The following ARHGAP27 variants were observed in gnomAD, a reference collection of about 807,000 sequenced individuals.
The protein encoded by ARHGAP27 is rho GTPase-activating protein 27.
In ARHGAP27, 53 loss-of-function variants were observed where a neutral mutation model predicts 102.0. The observed-to-expected ratio is 0.52, with a 90% CI of 0.42 to 0.65. The LOEUF (loss-of-function observed/expected upper bound fraction) is 0.65. Ranked by LOEUF, ARHGAP27 falls within the 30% of genes least tolerant of loss-of-function variation. The pLI is 0.00. For synonymous variants in ARHGAP27, 525 were observed against 542.8 expected, an observed-to-expected ratio of 0.97 and a Z score of 0.46; for missense variants, 1,117 against 1,256.2, an observed-to-expected ratio of 0.89 and a Z score of 1.68.
intron 13 of ARHGAP27, 43 bp from the exon 14 acceptor site, chr17:45,397,067 T>C (rs754730290): frequency 1.3e-6 from 2 of 1,596,364 alleles, no homozygotes; most frequent in Non-Finnish European, 8.5e-7. Flanking sequence ...TTGAGCCAGC[T>C]GCGGGTCCTT....
In ARHGAP27 at chr17:45,397,991, G is replaced by A; in HGVS notation, c.1800C>T (p.Ile600=). 2 of 1,611,284 alleles carry A rather than the reference G, an allele frequency of 1.2e-6. No individual in the cohort carries two copies. The highest frequency in any genetic ancestry group is 8.5e-7 in the Non-Finnish European group (1 of 1,177,802). Residue 600 remains isoleucine, a synonymous_variant, in exon 13 of 20, where the codon ATC becomes ATT. Coordinates refer to ENST00000685559, the MANE Select transcript of ARHGAP27 (RefSeq NM_001282290.2). ...GAGCAATGGCCTTATGCCAGGTGCT[G>A]ATGATGGCCTCCGAGTCGTGCTGGA... ...YLIQHDSEAI[I]STWHKAIAQG...
intron 5 of ARHGAP27, 70 bp from the exon 6 acceptor site, chr17:45,405,176 A>G: frequency 6.8e-7 from 1 of 1,475,462 alleles, no homozygotes; most frequent in Non-Finnish European, 9.1e-7. Context: ...GCCGTTTTGG[A>G]CCAGGCCCAC....
chr17:45,399,591 CAAAGA>C (rs60195760), intron 12 of ARHGAP27, among the ~76,000 whole-genome samples: 62,168 of 140,992 alleles, frequency 0.44, 13,333 homozygotes, highest in African/African-American at 0.49. Flanking sequence ...CACTCTGTCT[CAAAGA>C]AAAGAAAAGA....
chr17:45,395,243 AG>A lies in ARHGAP27; in HGVS notation c.*212del, dbSNP rs1226140825. ...CCAAACAGGACGTGACGGGAAGGGA[AG>A]GGGGGATGGGGAGTTGGGAAGAAGG... On this transcript the variant is annotated 3_prime_UTR_variant, in exon 20 of 20. Transcript: ENST00000685559. 4 of 605,796 alleles carry A rather than the reference AG, an allele frequency of 6.6e-6. No homozygotes were observed. Among genetic ancestry groups the A allele is most frequent in the African/African-American group, 1.9e-5 (1 of 53,554 alleles). The allele number at this position is 605,796 out of a possible 1,614,324, so 37.5% of individuals were successfully genotyped here. A position where few individuals can be genotyped will look rare whatever the true frequency, so the allele number is the denominator to read the frequency against.
chr17:45,415,062 CAAAAAAA>C (rs546453138), intron 4 of ARHGAP27, among the ~76,000 whole-genome samples: 7 of 61,310 alleles, frequency 1.1e-4, no homozygotes, highest in African/African-American at 2.5e-4. Flanking sequence ...GAGTCCATCT[CAAAAAAA>C]AAAAAAAAAA....
intron 9 of ARHGAP27, 21 bp downstream of exon 9, chr17:45,404,248 G>A: frequency 6.2e-7 from 1 of 1,613,470 alleles, no homozygotes. Flanking sequence ...CACCTGGCTG[G>A]GGGTAGGGGG....
rs768356099 is a variant in ARHGAP27 at position 45,430,249 on chromosome 17, C to G, written c.31G>C (p.Val11Leu). 3.8e-6 allele frequency: 6 copies of G among 1,578,198 alleles called. No homozygotes were observed. In the Admixed American group the frequency reaches 7.0e-5, roughly 18 times the overall value. Residue 11 changes from valine (V) to leucine (L), a missense_variant, in exon 4 of 20, where the codon GTG becomes CTG. Physicochemically the swap from Val to Leu is conservative, Grantham distance 32. Around this residue, in one of 3 missense-constraint regions of ARHGAP27, gnomAD observed 610 missense variants for 716.4 expected, o/e 0.85. Transcript: ENST00000685559. The surrounding 1 kb of genome is among the most constrained non-coding windows in gnomAD (Gnocchi z 4.4). MAADVVGDVY[V>L]LVEHPFEYTG... Reference sequence around the variant, plus strand: ...TACTCGAAGGGGTGCTCCACCAGCACGTACACGTCCCCCACCACGTCCGCC... The same window carrying G: ...TACTCGAAGGGGTGCTCCACCAGCAGGTACACGTCCCCCACCACGTCCGCC...
chr17:45,426,427 C>A (rs928286715), intron 4 of ARHGAP27, among the ~76,000 whole-genome samples: 1 of 152,076 alleles, frequency 6.6e-6, no homozygotes, highest in East Asian at 1.9e-4. Flanking sequence ...TCAATATGCG[C>A]GATTAGAGTG....
Position 45,430,442 on chromosome 17 carries a change from G to A in ARHGAP27, c.-18-145C>T. The A allele has an allele frequency of 8.1e-7, 1 of 1,241,702 alleles. No individual in the cohort carries two copies. The highest frequency in any genetic ancestry group is 1.1e-6 in the Non-Finnish European group (1 of 924,638). 76.9% of individuals were successfully genotyped at this position (1,241,702 alleles called of 1,614,324 possible). On this transcript the variant is annotated intron_variant, in intron 3 of 19. Coordinates refer to ENST00000685559, the MANE Select transcript of ARHGAP27 (RefSeq NM_001282290.2). The surrounding 1 kb of genome is among the most constrained non-coding windows in gnomAD (Gnocchi z 4.4). ...CTCAGTTTTCCCATCTCTAAAATGG[G>A]AACTTGCATAAAATCACATGTAAGG... is the stretch of plus-strand genomic sequence containing the variant.
At chr17:45,414,497 G>T (rs2048241149) in intron 4 of ARHGAP27, among the ~76,000 whole-genome samples, 1 of 151,444 alleles carries the variant, frequency 6.6e-6, no homozygotes, top group Non-Finnish European at 1.5e-5. Flanking sequence ...GAGGGCAGTG[G>T]CACGATCATG....
At position 45,422,159 on chromosome 17, in the gene ARHGAP27, C is replaced by T. The variant is rs1332896059; in HGVS notation, c.657+7464G>A. ...CCAGCCTGAGTGACACAGCGAGACT[C>T]CATCTCAAAAAACAAACAAAAATCC... is the stretch of plus-strand genomic sequence containing the variant. On this transcript the variant is annotated intron_variant, in intron 4 of 19. Transcript: ENST00000685559. Among the ~76,000 whole-genome samples the T allele has an allele frequency of 5.3e-5, 8 of 151,788 alleles. No homozygotes were observed. In the East Asian group the frequency reaches 1.5e-3, roughly 29 times the overall value.
chr17:45,401,077 C>A (rs1266596718), intron 12 of ARHGAP27, among the ~76,000 whole-genome samples: 1 of 152,178 alleles, frequency 6.6e-6, no homozygotes, highest in Non-Finnish European at 1.5e-5. Flanking sequence ...CACAGTGGCT[C>A]ACACCTGTAA....
At chr17:45,429,593 G>A (rs2049901524) in intron 4 of ARHGAP27, 30 bp downstream of exon 4, 1 of 1,574,832 alleles carries the variant, frequency 6.3e-7, no homozygotes. Flanking sequence ...CGCGCCACCC[G>A]CCTCCGCGCC....
rs1246175052 is a variant in ARHGAP27 at position 45,429,711 on chromosome 17, G to A, written c.569C>T (p.Pro190Leu). 3 of 1,551,912 alleles carry A rather than the reference G, an allele frequency of 1.9e-6. No homozygotes were observed. The highest frequency in any genetic ancestry group is 4.9e-5 in the East Asian group (2 of 41,048). Residue 190 changes from proline to leucine, a missense_variant, in exon 4 of 20, where the codon CCG becomes CTG. Physicochemically the swap from Pro to Leu is moderately conservative, Grantham distance 98. Transcript: ENST00000685559. ...TGAGTCGCTGCGCGCCAGAGGCCGC[G>A]GGCACACCCAGGAGCCCGCCACGCT... ...ACSVAGSWVC[P>L]RPLARSDSEN...
At chr17:45,398,551 T>C (rs1236307591) in intron 12 of ARHGAP27, among the ~76,000 whole-genome samples, 1 of 151,904 alleles carries the variant, frequency 6.6e-6, no homozygotes, top group African/African-American at 2.4e-5. Context: ...CTGGCCAACA[T>C]GGTGAAACCC....
chr17:45,397,917 C>A, intron 13 of ARHGAP27, 32 bp downstream of exon 13: 2 of 1,569,086 alleles, frequency 1.3e-6, no homozygotes, highest in Non-Finnish European at 1.7e-6. Context: ...ACCCCCTCCC[C>A]ACTGCCCCTA....
At chr17:45,421,534 C>T (rs1170962976) in intron 4 of ARHGAP27, among the ~76,000 whole-genome samples, 1 of 151,912 alleles carries the variant, frequency 6.6e-6, no homozygotes, top group Non-Finnish European at 1.5e-5. Flanking sequence ...AATAGATGTT[C>T]CTAAGCTGAG....
At chr17:45,411,812 C>A (rs1021333025) in intron 4 of ARHGAP27, among the ~76,000 whole-genome samples, 11 of 151,976 alleles carry the variant, frequency 7.2e-5, no homozygotes, top group Non-Finnish European at 1.3e-4. Context: ...CACACACACA[C>A]ACACACACTA....
chr17:45,419,818 T>C (rs906896986), intron 4 of ARHGAP27, among the ~76,000 whole-genome samples: 6 of 150,724 alleles, frequency 4.0e-5, no homozygotes, highest in African/African-American at 1.5e-4. Flanking sequence ...AGGATATAAA[T>C]AGACCATTCA....
Sources: allele counts gnomAD v4.1 joint callset (sites outside exome capture counted in the v4.1 genomes callset), GRCh38; gene constraint gnomAD v4.1.1; regional missense constraint gnomAD v4.1.1; non-coding constraint Gnocchi (gnomAD v3.1); transcripts MANE v1.5; gene names NCBI Gene and HGNC (gene_info 2026-07-23, HGNC 2026-07-21).